The following MAP3K2 variants were observed in gnomAD, a reference collection of about 807,000 sequenced individuals.
The protein encoded by MAP3K2 is mitogen-activated protein kinase kinase kinase 2, also known as MAP/ERK kinase kinase 2.
Under a neutral mutation model 80.3 loss-of-function variants are expected in MAP3K2, and 24 were observed. That is an observed-to-expected ratio of 0.30 (90% CI 0.22 to 0.42). MAP3K2 has a LOEUF of 0.42. Among genes scored for constraint, MAP3K2 ranks in the 10% least tolerant of loss-of-function variants. The pLI is 1.00. For synonymous variants in MAP3K2, 244 were observed against 253.7 expected (o/e 0.96, Z 0.36); for missense variants, 608 against 750.1 (o/e 0.81, Z 2.21).
chr2:127,308,718 C>A lies in MAP3K2; in HGVS notation c.1501G>T (p.Asp501Tyr). The change falls in exon 16 of 17, where the codon GAT becomes TAT. Residue 501 changes from aspartate (D) to tyrosine (Y), a missense_variant. By Grantham distance (160) the Asp-to-Tyr change is radical. Coordinates refer to ENST00000682094, the MANE Select transcript of MAP3K2 (RefSeq NM_001371910.2). ...RDSTGNVKLG[D>Y]FGASKRLQTI... is the part of the protein sequence containing the mutation. ...TGAAGCCGTTTGCTGGCCCCAAAATCTCCTAGTTTGACGTTGCCTGTTGAA... is the reference window on the plus strand; with the variant it reads ...TGAAGCCGTTTGCTGGCCCCAAAATATCCTAGTTTGACGTTGCCTGTTGAA... 1 of 1,613,966 alleles carries A rather than the reference C, an allele frequency of 6.2e-7. No homozygotes were observed. The highest frequency in any genetic ancestry group is 8.5e-7 in the Non-Finnish European group (1 of 1,179,864).
At chr2:127,333,277 A>AAC (rs35382458) in intron 5 of MAP3K2, among the ~76,000 whole-genome samples, 52,445 of 144,592 alleles carry the variant, frequency 0.36, 9,416 homozygotes, top group East Asian at 0.58. Context: ...CAACCCTCAT[A>AAC]ACACACACAC....
chr2:127,346,022 T>A (rs535384198), intron 1 of MAP3K2, among the ~76,000 whole-genome samples: 2 of 147,578 alleles, frequency 1.4e-5, no homozygotes, highest in African/African-American at 2.5e-5. Flanking sequence ...CACTGAAATT[T>A]AAAAAAAAAA....
intron 1 of MAP3K2, among the ~76,000 whole-genome samples, chr2:127,355,445 C>A (rs180836222): frequency 5.6e-4 from 85 of 152,100 alleles, no homozygotes; most frequent in Admixed American, 5.2e-3. Flanking sequence ...TTTTGTTTCC[C>A]AATGCATATA....
Position 127,321,634 on chromosome 2 carries a change from T to C in MAP3K2, c.1045+412A>G, listed in dbSNP as rs150605993. On this transcript the variant is annotated intron_variant, in intron 12 of 16. Coordinates refer to ENST00000682094, the MANE Select transcript of MAP3K2 (RefSeq NM_001371910.2). The surrounding 1 kb of genome is among the most constrained non-coding windows in gnomAD (Gnocchi z 4.4). ...TGAACTATTCCCCATTTTTAGATGA[T>C]GTTATGGCCTCTTGCACATTATCTC... is the stretch of plus-strand genomic sequence containing the variant. Among the ~76,000 whole-genome samples, 4 of 152,344 alleles carry C rather than the reference T, an allele frequency of 2.6e-5. No homozygotes were observed. The highest frequency in any genetic ancestry group is 1.9e-4 in the East Asian group (1 of 5,188).
intron 14 of MAP3K2, among the ~76,000 whole-genome samples, chr2:127,315,258 G>A (rs72845970): frequency 0.034 from 5,161 of 152,256 alleles, 126 homozygotes; most frequent in Middle Eastern, 0.071. Context: ...TGAGGAATAG[G>A]TATTTGAATT....
chr2:127,340,122 A>T (rs1442274530), intron 2 of MAP3K2, among the ~76,000 whole-genome samples: 1 of 152,236 alleles, frequency 6.6e-6, no homozygotes, highest in African/African-American at 2.4e-5. Context: ...ATTAAAATTT[A>T]AAAGTAATGG....
chr2:127,322,147 C>G lies in MAP3K2; in HGVS notation c.944G>C (p.Ser315Thr). The G allele has an allele frequency of 6.2e-7, 1 of 1,613,802 alleles. No individual in the cohort carries two copies. The highest frequency in any genetic ancestry group is 1.1e-5 in the South Asian group (1 of 91,060). ...DHSLSTSSGS[S>T]IFTPEYDDSR... ...ATCATCATACTCTGGGGTAAAGATACTGCTTCCACTACTAGTGCTTAAGGA... is the reference window on the plus strand; with the variant it reads ...ATCATCATACTCTGGGGTAAAGATAGTGCTTCCACTACTAGTGCTTAAGGA... The change falls in exon 12 of 17, where the codon AGT becomes ACT. Residue 315 changes from serine (S) to threonine (T), a missense_variant. Transcript: ENST00000682094. The surrounding 1 kb of genome is among the most constrained non-coding windows in gnomAD (Gnocchi z 4.2).
At position 127,360,206 on chromosome 2, in the gene MAP3K2, GATAC is replaced by G. The variant is rs1686860059; in HGVS notation, c.-65-17016_-65-17013del. 4.6e-5 allele frequency among the ~76,000 whole-genome samples: 7 copies of G among 152,098 alleles called. No individual in the cohort carries two copies. In the South Asian group the frequency reaches 1.5e-3, roughly 32 times the overall value. On this transcript the variant is annotated intron_variant, in intron 1 of 16. Coordinates refer to ENST00000682094, the MANE Select transcript of MAP3K2 (RefSeq NM_001371910.2). ...CAGCAATAAACAGAAATAAACTATT[GATAC>G]ATACAATAATACGGATGAATCTCAA...
At chr2:127,337,822 C>A in intron 3 of MAP3K2, 44 bp from the exon 4 acceptor site, 2 of 1,128,976 alleles carry the variant, frequency 1.8e-6, no homozygotes, top group South Asian at 3.1e-5. Flanking sequence ...TTAGACAGAT[C>A]ATTCAGAGAT....
At position 127,353,421 on chromosome 2, in the gene MAP3K2, G is replaced by A. The variant is rs75447936; in HGVS notation, c.-65-10227C>T. Among the ~76,000 whole-genome samples the A allele has an allele frequency of 9.8e-4, 148 of 150,318 alleles. 1 individual carries two copies. Among genetic ancestry groups the A allele is most frequent in the Middle Eastern group, 3.6e-3 (1 of 278 alleles). ...TGAGAAGTGAGGAGACCCTCCGCCCGGCAGCCGCCCCGTCTGAGAAGTGAG... is the reference window on the plus strand; with the variant it reads ...TGAGAAGTGAGGAGACCCTCCGCCCAGCAGCCGCCCCGTCTGAGAAGTGAG... On this transcript the variant is annotated intron_variant, in intron 1 of 16. Transcript: ENST00000682094.
intron 1 of MAP3K2, among the ~76,000 whole-genome samples, chr2:127,352,871 G>A (rs539341390): frequency 2.0e-5 from 3 of 152,244 alleles, no homozygotes; most frequent in South Asian, 2.1e-4. Flanking sequence ...ACTGGTTTTC[G>A]TATTTTTTTG....
At chr2:127,382,331 A>T (rs757420386) in intron 1 of MAP3K2, among the ~76,000 whole-genome samples, 40 of 152,216 alleles carry the variant, frequency 2.6e-4, no homozygotes, top group Non-Finnish European at 5.4e-4. Flanking sequence ...TTCAGCTGAA[A>T]ATAATATACA....
In MAP3K2 at chr2:127,308,526, C is replaced by A; in HGVS notation, c.1634+59G>T. 6 of 1,419,454 alleles carry A rather than the reference C, an allele frequency of 4.2e-6. No individual in the cohort carries two copies. In the South Asian group the frequency reaches 4.5e-5, roughly 11 times the overall value. The allele number at this position is 1,419,454 out of a possible 1,614,324, so 87.9% of individuals were successfully genotyped here. ...TTACATCTGCCTCAGTAATTCAATC[C>A]CAGGTGGAAATACATAGGCGGCAGG... On this transcript the variant is annotated intron_variant, in intron 16 of 16. Coordinates refer to ENST00000682094, the MANE Select transcript of MAP3K2 (RefSeq NM_001371910.2).
Position 127,301,211 on chromosome 2 carries a change from C to T in MAP3K2, c.*6368G>A, listed in dbSNP as rs1250564560. On this transcript the variant is annotated 3_prime_UTR_variant, in exon 17 of 17. Transcript: ENST00000682094. ...GTCCAGAACCTACTTTTCCTCACAG[C>T]TTTGCTGAAATGCCCCTCAAGTCAA... 1 of 152,180 alleles carries T rather than the reference C, an allele frequency of 6.6e-6. No homozygotes were observed. Among genetic ancestry groups the T allele is most frequent in the Non-Finnish European group, 1.5e-5 (1 of 68,030 alleles). The allele number at this position is 152,180 out of a possible 1,614,324, so 9.4% of individuals were successfully genotyped here.
intron 1 of MAP3K2, among the ~76,000 whole-genome samples, chr2:127,361,681 T>C (rs1686894791): frequency 6.6e-6 from 1 of 152,242 alleles, no homozygotes; most frequent in Non-Finnish European, 1.5e-5. Context: ...TTTTAGTTGA[T>C]AAAATGTTTT....
At chr2:127,332,845 C>A (rs1191654999) in intron 5 of MAP3K2, among the ~76,000 whole-genome samples, 1 of 152,036 alleles carries the variant, frequency 6.6e-6, no homozygotes, top group Non-Finnish European at 1.5e-5. Context: ...AAAAGGTTCT[C>A]CAGGCTGGAC....
chr2:127,371,644 G>A (rs1463305174), intron 1 of MAP3K2, among the ~76,000 whole-genome samples: 1 of 152,188 alleles, frequency 6.6e-6, no homozygotes, highest in Non-Finnish European at 1.5e-5. Flanking sequence ...CATGTCAACT[G>A]GTGGGGACTG....
In MAP3K2 at chr2:127,300,621, T is replaced by A. The variant is rs911222366; in HGVS notation, c.*6958A>T. ...TCTTATAATATTTCAGAATTCAGGG[T>A]AGCAAATTTTAAAACCAATAACAAT... On this transcript the variant is annotated 3_prime_UTR_variant, in exon 17 of 17. Coordinates refer to ENST00000682094, the MANE Select transcript of MAP3K2 (RefSeq NM_001371910.2). The A allele has an allele frequency of 5.3e-5, 8 of 152,298 alleles. No homozygotes were observed. The highest frequency in any genetic ancestry group is 1.7e-4 in the African/African-American group (7 of 41,578). The allele number at this position is 152,298 out of a possible 1,614,324, so 9.4% of individuals were successfully genotyped here.
intron 1 of MAP3K2, among the ~76,000 whole-genome samples, chr2:127,346,620 A>T (rs1686600555): frequency 6.6e-6 from 1 of 152,134 alleles, no homozygotes; most frequent in South Asian, 2.1e-4. Context: ...CACATTTGGG[A>T]TATATCCAAC....
Sources: allele counts gnomAD v4.1 joint callset (sites outside exome capture counted in the v4.1 genomes callset), GRCh38; gene constraint gnomAD v4.1.1; non-coding constraint Gnocchi (gnomAD v3.1); transcripts MANE v1.5; gene names NCBI Gene and HGNC (gene_info 2026-07-23, HGNC 2026-07-21).